The following PLCL2 variants were observed in gnomAD, a reference collection of about 807,000 sequenced individuals.
PLCL2 encodes the protein phospholipase C like 2.
PLCL2 carries 4 observed loss-of-function variants against 79.6 expected under a neutral mutation model. That is an observed-to-expected ratio of 0.05 (90% confidence interval 0.02 to 0.11). The LOEUF (loss-of-function observed/expected upper bound fraction) is 0.11. PLCL2 is among the 10% of genes least tolerant of loss of function. The pLI is 1.00. For missense variants in PLCL2, 895 were observed against 1,291.0 expected (o/e 0.69, Z 4.70); for synonymous variants, 484 against 457.7 (o/e 1.06, Z -0.73).
At chr3:17,084,033 A>C (rs79149889) in intron 5 of PLCL2, among the ~76,000 whole-genome samples, 2,729 of 152,344 alleles carry the variant, frequency 0.018, 55 homozygotes, top group Admixed American at 0.048. Flanking sequence ...TATTAAAATC[A>C]GTAAGTCTTT....
chr3:17,008,964 T>C (rs1402828951), intron 1 of PLCL2, among the ~76,000 whole-genome samples: 1 of 151,998 alleles, frequency 6.6e-6, no homozygotes, highest in Non-Finnish European at 1.5e-5. Flanking sequence ...ACTACAGGCA[T>C]GAGCCACCAT....
chr3:16,981,463 T>G (rs1318827107), intron 1 of PLCL2, among the ~76,000 whole-genome samples: 2 of 152,198 alleles, frequency 1.3e-5, no homozygotes, highest in Non-Finnish European at 2.9e-5. Flanking sequence ...ATGTGTAATG[T>G]CAGTGTTAAC....
At chr3:16,921,353 G>C (rs1306917190) in intron 1 of PLCL2, among the ~76,000 whole-genome samples, 1 of 152,176 alleles carries the variant, frequency 6.6e-6, no homozygotes, top group Non-Finnish European at 1.5e-5. Context: ...CAAGGGATTG[G>C]GGCGGTCTGA....
chr3:16,943,972 A>G (rs542459738), intron 1 of PLCL2, among the ~76,000 whole-genome samples: 1 of 152,242 alleles, frequency 6.6e-6, no homozygotes, highest in Admixed American at 6.5e-5. Context: ...TTTATTACAT[A>G]TGGTTTCATG....
intron 1 of PLCL2, among the ~76,000 whole-genome samples, chr3:16,939,935 G>T (rs144220580): frequency 4.3e-4 from 66 of 152,286 alleles, no homozygotes; most frequent in African/African-American, 1.5e-3. Context: ...CATGAGTGGT[G>T]GGTGGTACCT....
At chr3:17,089,389 T>A (rs918027481) in intron 5 of PLCL2, among the ~76,000 whole-genome samples, 2 of 152,146 alleles carry the variant, frequency 1.3e-5, no homozygotes, top group African/African-American at 2.4e-5. Context: ...GTTTTTTTTT[T>A]AATCAAACCT....
intron 4 of PLCL2, among the ~76,000 whole-genome samples, chr3:17,054,708 C>G (rs1361938295): frequency 6.6e-6 from 1 of 152,132 alleles, no homozygotes; most frequent in Non-Finnish European, 1.5e-5. Context: ...AATTACCTCC[C>G]ACCAGGACCC....
intron 1 of PLCL2, among the ~76,000 whole-genome samples, chr3:16,903,792 G>C (rs950662610): frequency 6.6e-6 from 1 of 152,188 alleles, no homozygotes; most frequent in East Asian, 1.9e-4. Flanking sequence ...GAGTGTAGAA[G>C]GAAAGGTTTG....
chr3:17,048,084 CT>C (rs36004545), intron 4 of PLCL2, among the ~76,000 whole-genome samples: 36 of 145,836 alleles, frequency 2.5e-4, no homozygotes, highest in South Asian at 6.6e-4. Flanking sequence ...TGCTCAGAGA[CT>C]TTTTTTTTTT....
chr3:17,072,356 T>C (rs2065067767), intron 5 of PLCL2, among the ~76,000 whole-genome samples: 1 of 152,236 alleles, frequency 6.6e-6, no homozygotes, highest in East Asian at 1.9e-4. Flanking sequence ...TAAGTATTGT[T>C]GGTTGTCCTG....
intron 1 of PLCL2, among the ~76,000 whole-genome samples, chr3:16,952,596 C>A (rs984400188): frequency 6.6e-6 from 1 of 151,814 alleles, no homozygotes; most frequent in Non-Finnish European, 1.5e-5. Flanking sequence ...TTATTCCTGG[C>A]ATCTTTATTT....
At chr3:17,022,497 T>C (rs1478456788) in intron 3 of PLCL2, among the ~76,000 whole-genome samples, 3 of 152,110 alleles carry the variant, frequency 2.0e-5, no homozygotes, top group African/African-American at 7.2e-5. Context: ...TTACAGGAAA[T>C]TTAAAAAAAA....
chr3:16,969,809 G>A (rs1052162091), intron 1 of PLCL2, among the ~76,000 whole-genome samples: 2 of 151,554 alleles, frequency 1.3e-5, no homozygotes, highest in African/African-American at 4.8e-5. Context: ...TGTTTTTCTA[G>A]TTCCTCAAAG....
chr3:16,983,571 G>A (rs773986402), intron 1 of PLCL2, among the ~76,000 whole-genome samples: 1 of 152,180 alleles, frequency 6.6e-6, no homozygotes, highest in Non-Finnish European at 1.5e-5. Context: ...TCAGGAGGCT[G>A]AGGCAGGAGA....
intron 3 of PLCL2, among the ~76,000 whole-genome samples, chr3:17,015,807 A>C (rs1352763339): frequency 6.6e-6 from 1 of 152,228 alleles, no homozygotes; most frequent in African/African-American, 2.4e-5. Flanking sequence ...TCGGCATCAT[A>C]AACCTAAACA....
chr3:16,941,785 A>G (rs1047813221), intron 1 of PLCL2, among the ~76,000 whole-genome samples: 2 of 152,102 alleles, frequency 1.3e-5, no homozygotes, highest in African/African-American at 4.8e-5. Context: ...ACCGAACAGA[A>G]TAGACTAGAA....
intron 1 of PLCL2, among the ~76,000 whole-genome samples, chr3:16,910,843 T>A (rs1356362486): frequency 6.6e-6 from 1 of 152,090 alleles, no homozygotes; most frequent in African/African-American, 2.4e-5. Context: ...GGCCTTGGAG[T>A]CATCCTTGAC....
chr3:16,903,586 G>C (rs1233827466), intron 1 of PLCL2, among the ~76,000 whole-genome samples: 1 of 152,190 alleles, frequency 6.6e-6, no homozygotes, highest in Non-Finnish European at 1.5e-5. Flanking sequence ...TTACAGCAAG[G>C]TTCTTGCCAG....
intron 4 of PLCL2, among the ~76,000 whole-genome samples, chr3:17,051,891 T>C (rs934667119): frequency 9.9e-5 from 15 of 152,096 alleles, no homozygotes; most frequent in African/African-American, 3.6e-4. Flanking sequence ...CAGAACCCCA[T>C]GAGTTCAACA....
Sources: allele counts gnomAD v4.1 joint callset (sites outside exome capture counted in the v4.1 genomes callset), GRCh38; gene constraint gnomAD v4.1.1; transcripts MANE v1.5; gene names NCBI Gene and HGNC (gene_info 2026-07-23, HGNC 2026-07-21).